Variants in BEND4 observed in about 807,000 individuals in gnomAD.
The protein encoded by BEND4 is BEN domain-containing protein 4.
In BEND4, 27 loss-of-function variants were observed where a neutral mutation model predicts 54.7. The observed-to-expected ratio is 0.49, with a 90% CI of 0.36 to 0.68. The LOEUF (loss-of-function observed/expected upper bound fraction) is 0.68. Among genes scored for constraint, BEND4 ranks in the 30% least tolerant of loss-of-function variants. The pLI is 0.00. For synonymous variants in BEND4, 327 were observed against 299.5 expected (o/e 1.09, Z -0.95); for missense variants, 702 against 697.2 (o/e 1.01, Z -0.08).
intron 3 of BEND4, among the ~76,000 whole-genome samples, chr4:42,135,264 G>A (rs1264111028): frequency 6.6e-6 from 1 of 152,172 alleles, no homozygotes; most frequent in Non-Finnish European, 1.5e-5. Context: ...AGCTCTGGAT[G>A]GATCTGAGGT....
intron 3 of BEND4, among the ~76,000 whole-genome samples, chr4:42,136,339 A>G (rs1035186797): frequency 6.6e-6 from 1 of 152,230 alleles, no homozygotes; most frequent in Non-Finnish European, 1.5e-5. Context: ...CTTCTTAATT[A>G]GAAAATGTCA....
At position 42,111,547 on chromosome 4, in the gene BEND4, G is replaced by C. The variant is rs1719571039; in HGVS notation, c.*5971C>G. ...AGAAGTGCAAGCCAGGACCCTCATG[G>C]CCTTGGCATGCTCTTGAACTTAAAC... On this transcript the variant is annotated 3_prime_UTR_variant, in exon 6 of 6. Coordinates refer to ENST00000502486, the MANE Select transcript of BEND4 (RefSeq NM_207406.4). 1 of 152,138 alleles carries C rather than the reference G, an allele frequency of 6.6e-6. No homozygotes were observed. Among genetic ancestry groups the C allele is most frequent in the South Asian group, 2.1e-4 (1 of 4,830 alleles). The allele number at this position is 152,138 out of a possible 1,614,324, so 9.4% of individuals were successfully genotyped here.
Position 42,143,890 on chromosome 4 carries a change from T to G in BEND4, c.592A>C (p.Ile198Leu). The G allele has an allele frequency of 6.5e-7, 1 of 1,543,932 alleles. No homozygotes were observed. Among genetic ancestry groups the G allele is most frequent in the Non-Finnish European group, 8.7e-7 (1 of 1,148,746 alleles). Residue 198 changes from isoleucine to leucine, a missense_variant, in exon 3 of 6, where the codon ATT becomes CTT. Transcript: ENST00000502486. ...GAGCCTTCCTGCTTTACGCAAGAAA[T>G]CATGGACTGAGAATGGTTGGAGTCC... ...LLDSNHSQSM[I>L]SCVKQEGSSY...
intron 4 of BEND4, among the ~76,000 whole-genome samples, chr4:42,125,206 A>T (rs1720224039): frequency 6.6e-6 from 1 of 152,208 alleles, no homozygotes; most frequent in Admixed American, 6.5e-5. Context: ...GCCTATCTGC[A>T]CACTGAAGAA....
Position 42,120,081 on chromosome 4 carries a change from C to G in BEND4, c.1360G>C (p.Asp454His). Reference protein sequence around the residue: ...GETGPERRPLDPVKVTCLREF... With the variant: ...GETGPERRPLHPVKVTCLREF... ...CGGAGGCATGTTACTTTAACTGGAT[C>G]CAGAGGGCGTCTTTCGGGACCTGTC... The change falls in exon 5 of 6, where the codon GAT becomes CAT. Residue 454 changes from aspartate to histidine, a missense_variant. Transcript: ENST00000502486. The G allele has an allele frequency of 2.5e-6, 4 of 1,613,958 alleles. No homozygotes were observed. The highest frequency in any genetic ancestry group is 3.4e-6 in the Non-Finnish European group (4 of 1,179,884).
chr4:42,132,815 C>T (rs1012905784), intron 3 of BEND4, among the ~76,000 whole-genome samples: 5 of 152,130 alleles, frequency 3.3e-5, no homozygotes, highest in African/African-American at 9.7e-5. Context: ...GCATGTTTTA[C>T]TCATTCATTT....
chr4:42,143,526 T>C lies in BEND4; in HGVS notation c.956A>G (p.Glu319Gly). 6.4e-7 allele frequency: 1 copy of C among 1,554,092 alleles called. No homozygotes were observed. Among genetic ancestry groups the C allele is most frequent in the Non-Finnish European group, 8.7e-7 (1 of 1,148,154 alleles). ...TTGGCATCGAGGACAATAGCCTTCC[T>C]CGTCCTCCTCCTCCTCCTCTTCTGG... The part of the protein sequence containing the change: ...TLPEEEEEED[E>G]EGYCPRCQEL... Residue 319 changes from glutamate (E) to glycine (G), a missense_variant, in exon 3 of 6, where the codon GAG (glutamate) becomes GGG (glycine). Coordinates refer to ENST00000502486, the MANE Select transcript of BEND4 (RefSeq NM_207406.4).
At chr4:42,148,954 A>T (rs2153147976) in intron 2 of BEND4, among the ~76,000 whole-genome samples, 1 of 152,342 alleles carries the variant, frequency 6.6e-6, no homozygotes, top group South Asian at 2.1e-4. Context: ...AAATGTTGAA[A>T]AAATCTATTT....
rs910204904 is a variant in BEND4 at position 42,116,010 on chromosome 4, C to T, written c.*1508G>A. ...ATACAAAAAAGCTAATAAACAAAAGCTACAGAAAGACCTGTTTCTAGGACT... is the reference window on the plus strand; with the variant it reads ...ATACAAAAAAGCTAATAAACAAAAGTTACAGAAAGACCTGTTTCTAGGACT... On this transcript the variant is annotated 3_prime_UTR_variant, in exon 6 of 6. Transcript: ENST00000502486. 1 of 152,130 alleles carries T rather than the reference C, an allele frequency of 6.6e-6. No individual in the cohort carries two copies. The highest frequency in any genetic ancestry group is 2.4e-5 in the African/African-American group (1 of 41,428). 9.4% of individuals were successfully genotyped at this position (152,130 alleles called of 1,614,324 possible). A position where few individuals can be genotyped will look rare whatever the true frequency, so the allele number is the denominator to read the frequency against.
chr4:42,152,160 G>T lies in BEND4; in HGVS notation c.-17C>A. ...TTCCTCCATCCGGCGCCTCGGGGCC[G>T]GTCCCTCGGAGCACGTCCCCTCCCC... On this transcript the variant is annotated 5_prime_UTR_variant, in exon 2 of 6. Coordinates refer to ENST00000502486, the MANE Select transcript of BEND4 (RefSeq NM_207406.4). The T allele has an allele frequency of 8.1e-7, 1 of 1,240,934 alleles. No individual in the cohort carries two copies. Among genetic ancestry groups the T allele is most frequent in the South Asian group, 4.1e-5 (1 of 24,330 alleles). 76.9% of individuals were successfully genotyped at this position (1,240,934 alleles called of 1,614,324 possible).
intron 2 of BEND4, among the ~76,000 whole-genome samples, chr4:42,149,474 A>G (rs555130313): frequency 6.6e-6 from 1 of 152,258 alleles, no homozygotes; most frequent in South Asian, 2.1e-4. Flanking sequence ...CATCTTTCCA[A>G]CAAGCACGAG....
chr4:42,137,162 A>C (rs1577760520), intron 3 of BEND4, among the ~76,000 whole-genome samples: 1 of 152,300 alleles, frequency 6.6e-6, no homozygotes, highest in East Asian at 1.9e-4. Context: ...TTGTCTATAA[A>C]ATAGGAATGA....
At position 42,125,679 on chromosome 4, in the gene BEND4, G is replaced by A. The variant is rs1720249445; in HGVS notation, c.1055-5C>T. On this transcript the variant is annotated splice_region_variant and splice_polypyrimidine_tract_variant and intron_variant, in intron 3 of 5. Coordinates refer to ENST00000502486, the MANE Select transcript of BEND4 (RefSeq NM_207406.4). ...CTAAAACGGTCTGGCAGGGCACTGG[G>A]TGGAAGAAATGGCAACAATTACACA... is the stretch of plus-strand genomic sequence containing the variant. 1 of 1,585,784 alleles carries A rather than the reference G, an allele frequency of 6.3e-7. No individual in the cohort carries two copies. Among genetic ancestry groups the A allele is most frequent in the Non-Finnish European group, 8.6e-7 (1 of 1,165,876 alleles).
chr4:42,130,436 C>T (rs192728158), intron 3 of BEND4, among the ~76,000 whole-genome samples: 20 of 146,374 alleles, frequency 1.4e-4, no homozygotes, highest in East Asian at 1.2e-3. Context: ...GCCGAGATCA[C>T]GCCATTGCAC....
chr4:42,118,392 C>T (rs1719928438), intron 5 of BEND4, among the ~76,000 whole-genome samples: 1 of 152,198 alleles, frequency 6.6e-6, no homozygotes, highest in South Asian at 2.1e-4. Context: ...ACTGTCGCAG[C>T]TGCCTCCAAC....
chr4:42,144,686 A>G (rs1408266163), intron 2 of BEND4, among the ~76,000 whole-genome samples: 2 of 152,228 alleles, frequency 1.3e-5, no homozygotes, highest in Admixed American at 6.5e-5. Flanking sequence ...GAAAATCAGT[A>G]GTATCACTTC....
At chr4:42,151,046 G>T (rs1577773434) in intron 2 of BEND4, 1 of 152,172 alleles carries the variant, frequency 6.6e-6, no homozygotes, top group East Asian at 1.9e-4. Flanking sequence ...CAAGGGGTGG[G>T]AAGGAAAAGG....
Position 42,151,657 on chromosome 4 carries a change from C to A in BEND4, c.487G>T (p.Glu163Ter). 6.8e-7 allele frequency: 1 copy of A among 1,472,008 alleles called. No homozygotes were observed. Among genetic ancestry groups the A allele is most frequent in the Non-Finnish European group, 9.0e-7 (1 of 1,116,586 alleles). The allele number at this position is 1,472,008 out of a possible 1,614,324, so 91.2% of individuals were successfully genotyped here. The change falls in exon 2 of 6, where the codon GAG becomes TAG. Residue 163 changes from glutamate to a stop codon, truncating the protein, a stop_gained and splice_region_variant. Transcript: ENST00000502486. LOFTEE classifies it high-confidence loss of function. ...GGAAAGTTGTGCGGAGAGTTGGTAC[C>A]TGCGCTGAGCTCCAGGCTGGCGCTG... ...SDSASLELSA[E>*]SRMILDAFAQ...
intron 5 of BEND4, among the ~76,000 whole-genome samples, chr4:42,118,509 G>A (rs983459252): frequency 1.3e-5 from 2 of 152,198 alleles, no homozygotes; most frequent in African/African-American, 2.4e-5. Context: ...GCAGTCTCTG[G>A]TTAGGCAGCC....
Sources: allele counts gnomAD v4.1 joint callset (sites outside exome capture counted in the v4.1 genomes callset), GRCh38; gene constraint gnomAD v4.1.1; transcripts MANE v1.5; gene names NCBI Gene and HGNC (gene_info 2026-07-23, HGNC 2026-07-21).